Variants in KIAA0586 observed in about 807,000 individuals in gnomAD.
KIAA0586 encodes the protein protein TALPID3.
In KIAA0586, 144 loss-of-function variants were observed where a neutral mutation model predicts 169.8. The observed-to-expected ratio is 0.85, with a 90% confidence interval of 0.74 to 0.97. The LOEUF (loss-of-function observed/expected upper bound fraction) is 0.97, where lower values mean the gene tolerates loss of function less well. KIAA0586 is among the 50% of genes least tolerant of loss of function. The pLI is 0.00. For synonymous variants in KIAA0586, 625 were observed against 612.4 expected, an observed-to-expected ratio of 1.02 and a Z score of -0.30; for missense variants, 1,854 against 1,823.0, an observed-to-expected ratio of 1.02 and a Z score of -0.31.
rs560793338 is a variant in KIAA0586 at position 58,505,797 on chromosome 14, TC to T, written c.4169-2757del. 4.6e-4 allele frequency among the ~76,000 whole-genome samples: 70 copies of T among 152,340 alleles called. No homozygotes were observed. The East Asian group carries it at 0.011, about 23-fold the overall frequency. On this transcript the variant is annotated intron_variant, in intron 27 of 30. Coordinates refer to ENST00000652326, the MANE Select transcript of KIAA0586 (RefSeq NM_001329943.3). ...TTTTCTTGTTAGTTTTAAAGCTGTT[TC>T]TATAGTTTAGATGTTTTCTACTATT...
intron 14 of KIAA0586, among the ~76,000 whole-genome samples, chr14:58,462,894 G>A (rs1307927803): frequency 6.6e-6 from 1 of 152,130 alleles, no homozygotes; most frequent in African/African-American, 2.4e-5. Context: ...TAAAGCATCA[G>A]ATCTCATGAG....
chr14:58,489,301 C>G (rs2042683375), intron 24 of KIAA0586, among the ~76,000 whole-genome samples: 1 of 147,852 alleles, frequency 6.8e-6, no homozygotes, highest in African/African-American at 2.5e-5. Flanking sequence ...TTCACTGCAG[C>G]CTCAACTTCC....
At chr14:58,429,232 T>G in intron 1 of KIAA0586, 131 bp from the exon 2 acceptor site, 1 of 596,500 alleles carries the variant, frequency 1.7e-6, no homozygotes, top group Non-Finnish European at 3.0e-6. Flanking sequence ...TCTTAACTTT[T>G]TTTGCATGCA....
chr14:58,554,345 A>T (rs914731143), downstream of KIAA0586, among the ~76,000 whole-genome samples: 10 of 152,264 alleles, frequency 6.6e-5, no homozygotes, highest in African/African-American at 2.4e-4. Context: ...AACTTAAAAA[A>T]CATTGATTTC....
rs747250344 is a variant in KIAA0586 at position 58,442,756 on chromosome 14, A to C, written c.461A>C (p.Asp154Ala). The C allele has an allele frequency of 6.3e-7, 1 of 1,595,050 alleles. No individual in the cohort carries two copies. The highest frequency in any genetic ancestry group is 8.5e-7 in the Non-Finnish European group (1 of 1,169,610). ...FKEVKVHLLE[D>A]AGIEKDAVTQ... ...GAAGTAAAGGTACATCTGTTAGAAG[A>C]TGCAGGCATAGAGAAGGATGCTGTT... The change falls in exon 5 of 31, where the codon GAT (aspartate) becomes GCT (alanine). Residue 154 changes from aspartate (D) to alanine (A), a missense_variant. By Grantham distance (126) the Asp-to-Ala change is moderately radical (BLOSUM62 -2). Transcript: ENST00000652326.
At chr14:58,536,023 T>TCAGA (rs1371580525) in intron 29 of KIAA0586, among the ~76,000 whole-genome samples, 1 of 152,034 alleles carries the variant, frequency 6.6e-6, no homozygotes, top group East Asian at 1.9e-4. Context: ...CATTGAAGAG[T>TCAGA]CAGAAAGTAA....
intron 10 of KIAA0586, among the ~76,000 whole-genome samples, chr14:58,457,049 T>C (rs1184695879): frequency 6.6e-6 from 1 of 152,174 alleles, no homozygotes; most frequent in Non-Finnish European, 1.5e-5. Context: ...CAGCTTCTGT[T>C]GGAAAGGGAG....
rs774092321 is a variant in KIAA0586, at chr14:58,443,569, G to A, written c.586-385G>A. Among the ~76,000 whole-genome samples, 6 of 152,056 alleles carry A rather than the reference G, an allele frequency of 3.9e-5. No individual in the cohort carries two copies. The South Asian group carries it at 6.2e-4, about 16-fold the overall frequency. ...TCCCGAGTAGCTGGGACTACAGGCC[G>A]CACGCCACCATGCCTGGCTAATTTT... On this transcript the variant is annotated intron_variant, in intron 5 of 30. Transcript: ENST00000652326.
At chr14:58,454,773 C>T (rs1216056927) in intron 9 of KIAA0586, among the ~76,000 whole-genome samples, 1 of 152,196 alleles carries the variant, frequency 6.6e-6, no homozygotes, top group Non-Finnish European at 1.5e-5. Context: ...TGCAGGTGGC[C>T]TCCCTCTTGC....
intron 29 of KIAA0586, among the ~76,000 whole-genome samples, chr14:58,515,640 T>C (rs1391377169): frequency 6.6e-6 from 1 of 152,092 alleles, no homozygotes; most frequent in Non-Finnish European, 1.5e-5. Flanking sequence ...AATCTTAAGA[T>C]ATGATAGGGA....
At chr14:58,521,544 C>T in intron 29 of KIAA0586, 1 of 832,432 alleles carries the variant, frequency 1.2e-6, no homozygotes, top group Non-Finnish European at 2.1e-6. Flanking sequence ...CTGTAGTGCC[C>T]TCGAAATGTC....
intron 27 of KIAA0586, among the ~76,000 whole-genome samples, chr14:58,506,562 C>G (rs941459637): frequency 2.6e-5 from 4 of 151,852 alleles, no homozygotes; most frequent in African/African-American, 7.3e-5. Flanking sequence ...TGGCGCGTGC[C>G]TGTGGTCTCA....
chr14:58,483,184 TATCTC>T (rs2042154693), intron 21 of KIAA0586, among the ~76,000 whole-genome samples: 1 of 152,208 alleles, frequency 6.6e-6, no homozygotes, highest in Non-Finnish European at 1.5e-5. Flanking sequence ...ATGGATTTCT[TATCTC>T]ATGAATACTG....
At chr14:58,496,294 A>C (rs2043153596) in intron 26 of KIAA0586, among the ~76,000 whole-genome samples, 1 of 152,198 alleles carries the variant, frequency 6.6e-6, no homozygotes, top group African/African-American at 2.4e-5. Context: ...TGAGTATGAG[A>C]CCATTTTGTA....
intron 18 of KIAA0586, among the ~76,000 whole-genome samples, chr14:58,473,360 G>T (rs1160852018): frequency 2.0e-5 from 3 of 152,112 alleles, no homozygotes; most frequent in African/African-American, 7.2e-5. Context: ...TGTTATTTAT[G>T]TAACAGATAC....
intron 26 of KIAA0586, among the ~76,000 whole-genome samples, chr14:58,495,496 C>G (rs1387616693): frequency 1.3e-5 from 2 of 152,090 alleles, no homozygotes; most frequent in East Asian, 3.9e-4. Flanking sequence ...CGGGGTCTCA[C>G]TATGTTGGCT....
At position 58,470,596 on chromosome 14, in the gene KIAA0586, G is replaced by A. The variant is rs778072064; in HGVS notation, c.2443-17G>A. 5 of 1,394,420 alleles carry A rather than the reference G, an allele frequency of 3.6e-6. No homozygotes were observed. In the East Asian group the frequency reaches 1.1e-4, roughly 32 times the overall value. The allele number at this position is 1,394,420 out of a possible 1,614,324, so 86.4% of individuals were successfully genotyped here. A position where few individuals can be genotyped will look rare whatever the true frequency, so the allele number is the denominator to read the frequency against. On this transcript the variant is annotated splice_polypyrimidine_tract_variant and intron_variant, in intron 16 of 30. Coordinates refer to ENST00000652326, the MANE Select transcript of KIAA0586 (RefSeq NM_001329943.3). Reference sequence around the variant, plus strand: ...AAAAATGATAAACAGAAAGCTGAATGTTGTATTCTGTTTTAGGTATTACCC... The same window carrying A: ...AAAAATGATAAACAGAAAGCTGAATATTGTATTCTGTTTTAGGTATTACCC...
intron 27 of KIAA0586, among the ~76,000 whole-genome samples, chr14:58,505,221 C>T (rs1168838507): frequency 2.6e-5 from 4 of 152,208 alleles, no homozygotes; most frequent in Non-Finnish European, 5.9e-5. Context: ...ATATCTTGCA[C>T]ACTTGCCTGC....
At chr14:58,484,892 A>ATATATATATATTTATATATATT (rs1555391470) in intron 21 of KIAA0586, among the ~76,000 whole-genome samples, 8 of 7,118 alleles carry the variant, frequency 1.1e-3, no homozygotes, top group East Asian at 9.6e-3. Flanking sequence ...ATATATATTT[A>ATATATATATATTTATATATATT]TATATATATA....
Sources: gnomAD v4.1 joint callset for allele counts (sites outside exome capture counted in the v4.1 genomes callset) on GRCh38, gnomAD v4.1.1 for gene constraint, MANE v1.5 for transcripts, NCBI Gene and HGNC (gene_info 2026-07-23, HGNC 2026-07-21) for gene names.